NSG2: variants seen among roughly 807,000 people sequenced by gnomAD.
The protein encoded by NSG2 is neuronal vesicle trafficking-associated protein 2.
In NSG2, 4 loss-of-function variants were observed where a neutral mutation model predicts 16.9. The ratio of observed to expected loss-of-function variants is 0.24; its 90% CI spans 0.12 to 0.54. The LOEUF (loss-of-function observed/expected upper bound fraction) is 0.54. Among genes scored for constraint, NSG2 ranks in the 20% least tolerant of loss-of-function variants. The pLI is 0.95. For missense variants in NSG2, 179 were observed against 221.1 expected (o/e 0.81, Z 1.21); for synonymous variants, 98 against 88.7 (o/e 1.11, Z -0.59).
At chr5:174,091,746 G>C (rs1354783066) in intron 3 of NSG2, among the ~76,000 whole-genome samples, 1 of 151,588 alleles carries the variant, frequency 6.6e-6, no homozygotes, top group East Asian at 1.9e-4. Context: ...GATGGAAATA[G>C]CACAGTGCCA....
chr5:174,047,272 A>C (rs1281067597), intron 2 of NSG2, among the ~76,000 whole-genome samples: 3 of 152,232 alleles, frequency 2.0e-5, no homozygotes, highest in Non-Finnish European at 4.4e-5. Flanking sequence ...TCAAACAAGC[A>C]TTCAGTTTGT....
At position 174,107,598 on chromosome 5, in the gene NSG2, G is replaced by A; in HGVS notation, c.*93G>A. The stretch of plus-strand genomic sequence containing the variant: ...AGTTACAAGACAACACTGTACTCCT[G>A]GGATATGGGGGCGGGGGCGGGGCAG... On this transcript the variant is annotated 3_prime_UTR_variant, in exon 5 of 5. Transcript: ENST00000303177. The surrounding 1 kb of genome is among the most constrained non-coding windows in gnomAD (Gnocchi z 4.5). The A allele has an allele frequency of 8.2e-7, 1 of 1,214,318 alleles. No individual in the cohort carries two copies. Among genetic ancestry groups the A allele is most frequent in the Non-Finnish European group, 1.2e-6 (1 of 851,620 alleles). The allele number at this position is 1,214,318 out of a possible 1,614,324, so 75.2% of individuals were successfully genotyped here.
At chr5:174,054,466 G>A (rs570611584) in intron 2 of NSG2, among the ~76,000 whole-genome samples, 5 of 152,230 alleles carry the variant, frequency 3.3e-5, no homozygotes, top group South Asian at 2.1e-4. Flanking sequence ...CCCTGCAGTC[G>A]CGAACTCTTG....
Position 174,072,996 on chromosome 5 carries a change from G to T in NSG2, c.213+8681G>T, listed in dbSNP as rs2113445637. 6.6e-6 allele frequency among the ~76,000 whole-genome samples: 1 copy of T among 152,220 alleles called. No individual in the cohort carries two copies. The highest frequency in any genetic ancestry group is 6.5e-5 in the Admixed American group (1 of 15,282). On this transcript the variant is annotated intron_variant, in intron 3 of 4. Transcript: ENST00000303177. The surrounding 1 kb of genome is among the most constrained non-coding windows in gnomAD (Gnocchi z 4.0). Reference sequence around the variant, plus strand: ...GAGATCCTGTCTCAAATGAATGAATGAATGAATGAATGCATAAGGAGGTGA... The same window carrying T: ...GAGATCCTGTCTCAAATGAATGAATTAATGAATGAATGCATAAGGAGGTGA...
chr5:174,098,965 G>A (rs1048132492), intron 3 of NSG2, among the ~76,000 whole-genome samples: 16 of 152,178 alleles, frequency 1.1e-4, no homozygotes, highest in Non-Finnish European at 5.9e-5. Flanking sequence ...TGAGGATGGA[G>A]GTTATATAAA....
At chr5:174,068,885 A>G (rs1225305298) in intron 3 of NSG2, among the ~76,000 whole-genome samples, 289 of 55,174 alleles carry the variant, frequency 5.2e-3, no homozygotes, top group Middle Eastern at 0.015. Context: ...GTGTCGTGGG[A>G]ATCCTGGTGC....
At chr5:174,080,995 T>C (rs993594804) in intron 3 of NSG2, among the ~76,000 whole-genome samples, 1 of 152,158 alleles carries the variant, frequency 6.6e-6, no homozygotes, top group African/African-American at 2.4e-5. Context: ...TGTTTTTTTT[T>C]TGTTGTTGAT....
intron 3 of NSG2, among the ~76,000 whole-genome samples, chr5:174,078,267 G>T (rs1245163246): frequency 6.6e-6 from 1 of 151,024 alleles, no homozygotes; most frequent in Non-Finnish European, 1.5e-5. Context: ...TACAGTACAC[G>T]CACACACACC....
chr5:174,098,828 A>G (rs1340182768), intron 3 of NSG2, among the ~76,000 whole-genome samples: 3 of 152,126 alleles, frequency 2.0e-5, no homozygotes, highest in Non-Finnish European at 4.4e-5. Context: ...AGAGAGGGTG[A>G]TTCCGTGGTG....
chr5:174,100,811 C>T (rs1462248044), intron 3 of NSG2, among the ~76,000 whole-genome samples: 1 of 152,242 alleles, frequency 6.6e-6, no homozygotes, highest in Non-Finnish European at 1.5e-5. Context: ...GGGTCCTGCA[C>T]CAGCTCCTAG....
intron 3 of NSG2, among the ~76,000 whole-genome samples, chr5:174,097,152 C>T (rs1760810120): frequency 6.6e-6 from 1 of 152,142 alleles, no homozygotes; most frequent in Non-Finnish European, 1.5e-5. Context: ...GTCGCTGTGA[C>T]TGTAGTCCCG....
Position 174,104,272 on chromosome 5 carries a change from C to G in NSG2, c.258C>G (p.Ile86Met). 1 of 1,614,146 alleles carries G rather than the reference C, an allele frequency of 6.2e-7. No homozygotes were observed. The highest frequency in any genetic ancestry group is 8.5e-7 in the Non-Finnish European group (1 of 1,180,008). The change falls in exon 4 of 5, where the codon ATC becomes ATG. Residue 86 changes from isoleucine to methionine, a missense_variant. Physicochemically the swap from Ile to Met is conservative, Grantham distance 10. Coordinates refer to ENST00000303177, the MANE Select transcript of NSG2 (RefSeq NM_015980.5). ...VSLALAFLAC[I>M]VFLVVYKAFT... Reference sequence around the variant, plus strand: ...TGGCCCTAGCTTTCCTTGCGTGCATCGTGTTCCTGGTGGTTTACAAAGCCT... The same window carrying G: ...TGGCCCTAGCTTTCCTTGCGTGCATGGTGTTCCTGGTGGTTTACAAAGCCT...
intron 2 of NSG2, among the ~76,000 whole-genome samples, chr5:174,051,307 A>C (rs1187362634): frequency 6.6e-6 from 1 of 151,800 alleles, no homozygotes; most frequent in African/African-American, 2.4e-5. Context: ...AGGTTGGGAA[A>C]CCCTGCCCTA....
At position 174,104,275 on chromosome 5, in the gene NSG2, G is replaced by A. The variant is rs371205603; in HGVS notation, c.261G>A (p.Val87=). 5 of 1,614,064 alleles carry A rather than the reference G, an allele frequency of 3.1e-6. No homozygotes were observed. The highest frequency in any genetic ancestry group is 3.3e-5 in the Admixed American group (2 of 60,000). ...SLALAFLACI[V]FLVVYKAFTY... is the part of the protein sequence containing the mutation. ...CCCTAGCTTTCCTTGCGTGCATCGT[G>A]TTCCTGGTGGTTTACAAAGCCTTCA... The change falls in exon 4 of 5, where the codon GTG becomes GTA. Residue 87 remains valine (V), a synonymous_variant. Coordinates refer to ENST00000303177, the MANE Select transcript of NSG2 (RefSeq NM_015980.5).
intron 2 of NSG2, among the ~76,000 whole-genome samples, chr5:174,051,986 GT>G (rs954388330): frequency 3.9e-5 from 6 of 152,158 alleles, no homozygotes; most frequent in African/African-American, 1.4e-4. Context: ...TGGATTGTTT[GT>G]TTTTTTCAAA....
chr5:174,079,247 TTCTC>T lies in NSG2; in HGVS notation c.213+14946_213+14949del, dbSNP rs60883319. Among the ~76,000 whole-genome samples, 1,333 of 148,676 alleles carry T rather than the reference TTCTC, an allele frequency of 9.0e-3. 16 individuals carry two copies. The highest frequency in any genetic ancestry group is 0.061 in the East Asian group (308 of 5,090). On this transcript the variant is annotated intron_variant, in intron 3 of 4. Coordinates refer to ENST00000303177, the MANE Select transcript of NSG2 (RefSeq NM_015980.5). ...GAAGTCTGCATGTCTTTCTCTCTCT[TTCTC>T]TCTCTCTCTCTCTTTTTTTTTTTTT...
intron 3 of NSG2, among the ~76,000 whole-genome samples, chr5:174,081,887 CAAAA>C (rs60742273): frequency 1.0e-4 from 7 of 70,190 alleles, no homozygotes; most frequent in East Asian, 5.5e-4. Flanking sequence ...GACTCCGACT[CAAAA>C]AAAAAAAAAA....
At chr5:174,080,687 G>C (rs908195874) in intron 3 of NSG2, among the ~76,000 whole-genome samples, 2 of 151,878 alleles carry the variant, frequency 1.3e-5, no homozygotes, top group Non-Finnish European at 1.5e-5. Context: ...TCAGCCTCCT[G>C]AGTAGCTGGG....
At chr5:174,046,679 C>A in intron 1 of NSG2, 55 bp from the exon 2 acceptor site, 1 of 1,558,554 alleles carries the variant, frequency 6.4e-7, no homozygotes, top group Non-Finnish European at 8.8e-7. Context: ...CTGTCGTCAG[C>A]CCTCTCTTTC....
Sources: gnomAD v4.1 joint callset for allele counts (sites outside exome capture counted in the v4.1 genomes callset) on GRCh38, gnomAD v4.1.1 for gene constraint, Gnocchi (gnomAD v3.1) non-coding constraint, MANE v1.5 for transcripts, NCBI Gene and HGNC (gene_info 2026-07-23, HGNC 2026-07-21) for gene names.